The following CRB1 variants were observed in gnomAD, a reference collection of about 807,000 sequenced individuals.
The protein encoded by CRB1 is protein crumbs homolog 1.
Under a neutral mutation model 120.0 loss-of-function variants are expected in CRB1, and 83 were observed. That is an observed-to-expected ratio of 0.69 (90% CI 0.58 to 0.83). The LOEUF is 0.83. Among genes scored for constraint, CRB1 ranks in the 40% least tolerant of loss-of-function variants. The probability of loss-of-function intolerance (pLI) is 0.00; values close to 1 mark genes in which losing one functional copy is unlikely to be tolerated. For missense variants in CRB1, 1,699 were observed against 1,687.6 expected (o/e 1.01, Z -0.12); for synonymous variants, 625 against 612.5 (o/e 1.02, Z -0.30).
At chr1:197,333,620 G>A (rs954955697) in intron 2 of CRB1, among the ~76,000 whole-genome samples, 4 of 152,162 alleles carry the variant, frequency 2.6e-5, no homozygotes, top group African/African-American at 9.7e-5. Flanking sequence ...TGGTATAAAA[G>A]TAATCTTTTG....
intron 5 of CRB1, among the ~76,000 whole-genome samples, chr1:197,411,003 C>G (rs1170880627): frequency 6.6e-6 from 1 of 152,108 alleles, no homozygotes; most frequent in Non-Finnish European, 1.5e-5. Context: ...CAGTTAGAAA[C>G]AAATAAAACA....
At chr1:197,384,924 C>T (rs1056857641) in intron 5 of CRB1, among the ~76,000 whole-genome samples, 8 of 152,146 alleles carry the variant, frequency 5.3e-5, no homozygotes, top group African/African-American at 1.9e-4. Context: ...AAAACTAAAG[C>T]TAATCTCCTT....
intron 5 of CRB1, among the ~76,000 whole-genome samples, chr1:197,374,805 A>T (rs909614207): frequency 6.6e-6 from 1 of 151,754 alleles, no homozygotes; most frequent in East Asian, 1.9e-4. Context: ...ATCTTTCAGT[A>T]CTCCTTGACT....
At chr1:197,462,234 C>G (rs542727445) in intron 11 of CRB1, among the ~76,000 whole-genome samples, 1 of 152,084 alleles carries the variant, frequency 6.6e-6, no homozygotes, top group Non-Finnish European at 1.5e-5. Flanking sequence ...TTATGGATGA[C>G]TGTATTACCA....
At chr1:197,252,933 ATCT>A in the CRB1 span, among the ~76,000 whole-genome samples, 1 of 151,890 alleles carries the variant, frequency 6.6e-6, no homozygotes, top group Non-Finnish European at 1.5e-5. Flanking sequence ...GTGAAGGCAG[ATCT>A]TCTTTACTCA....
chr1:197,226,657 C>T, the CRB1 span, among the ~76,000 whole-genome samples: 1 of 152,028 alleles, frequency 6.6e-6, no homozygotes, highest in Non-Finnish European at 1.5e-5. Flanking sequence ...AAGAGAGAGA[C>T]AAGATTCTCT....
chr1:197,401,233 A>AT (rs922074887), intron 5 of CRB1, among the ~76,000 whole-genome samples: 2 of 151,542 alleles, frequency 1.3e-5, no homozygotes, highest in Non-Finnish European at 2.9e-5. Context: ...TAATTTTTGT[A>AT]TTTTTTGTAT....
At chr1:197,306,873 A>G (rs1252318082) in intron 1 of CRB1, among the ~76,000 whole-genome samples, 1 of 152,042 alleles carries the variant, frequency 6.6e-6, no homozygotes, top group East Asian at 1.9e-4. Context: ...AGCTATTACA[A>G]CTCAATAGAA....
intron 4 of CRB1, among the ~76,000 whole-genome samples, chr1:197,350,650 T>C (rs1660046637): frequency 6.6e-6 from 1 of 152,240 alleles, no homozygotes; most frequent in Non-Finnish European, 1.5e-5. Context: ...AAAACGTATA[T>C]AGTACAATTT....
At chr1:197,342,871 C>CA (rs1404697852) in intron 2 of CRB1, among the ~76,000 whole-genome samples, 5 of 151,960 alleles carry the variant, frequency 3.3e-5, no homozygotes, top group Admixed American at 6.6e-5. Flanking sequence ...GATGGTCTGT[C>CA]AAAAAAATTT....
intron 4 of CRB1, among the ~76,000 whole-genome samples, chr1:197,353,391 A>G (rs1328515795): frequency 2.0e-5 from 3 of 152,194 alleles, no homozygotes; most frequent in African/African-American, 7.2e-5. Context: ...TAAAGTAAAC[A>G]CATACTATGA....
intron 5 of CRB1, among the ~76,000 whole-genome samples, chr1:197,395,259 T>C (rs1339769749): frequency 6.6e-6 from 1 of 152,052 alleles, no homozygotes; most frequent in East Asian, 1.9e-4. Context: ...TTATTGAGAG[T>C]GAGAGTTGAA....
chr1:197,334,199 T>C (rs1326585221), intron 2 of CRB1, among the ~76,000 whole-genome samples: 2 of 152,226 alleles, frequency 1.3e-5, no homozygotes, highest in Non-Finnish European at 2.9e-5. Flanking sequence ...ACCACTGACA[T>C]AGACAGTTAT....
chr1:197,459,746 C>T (rs1666438499), intron 11 of CRB1, among the ~76,000 whole-genome samples: 2 of 152,044 alleles, frequency 1.3e-5, no homozygotes, highest in Admixed American at 1.3e-4. Context: ...AATAAAAACT[C>T]CTGAATTATA....
chr1:197,400,089 C>T (rs1037395468), intron 5 of CRB1, among the ~76,000 whole-genome samples: 12 of 152,228 alleles, frequency 7.9e-5, no homozygotes, highest in Non-Finnish European at 1.3e-4. Flanking sequence ...ACTCTGCCTA[C>T]TACATGTGAG....
intron 1 of CRB1, among the ~76,000 whole-genome samples, chr1:197,324,783 T>G (rs1174384122): frequency 2.0e-5 from 3 of 152,178 alleles, no homozygotes; most frequent in African/African-American, 4.8e-5. Flanking sequence ...TCAGTGAAAA[T>G]GTTTTTTCTT....
Position 197,458,585 on chromosome 1 carries a change from A to G in CRB1, c.4005+16293A>G, listed in dbSNP as rs537551012. Among the ~76,000 whole-genome samples, 3 of 152,160 alleles carry G rather than the reference A, an allele frequency of 2.0e-5. No homozygotes were observed. The East Asian group carries it at 5.8e-4, about 29-fold the overall frequency. On this transcript the variant is annotated intron_variant, in intron 11 of 11. Transcript: ENST00000367400. ...AGGAAATCCAATGTTCTGTCCTTTC[A>G]TAAGTCCCATGGCAATGCAGAGAGC...
At chr1:197,360,486 A>G (rs990927484) in intron 5 of CRB1, 4 of 152,210 alleles carry the variant, frequency 2.6e-5, no homozygotes, top group African/African-American at 7.2e-5. Flanking sequence ...CTATGTGAGT[A>G]AAGCATTGTT....
chr1:197,251,583 T>G, the CRB1 span, among the ~76,000 whole-genome samples: 1 of 152,064 alleles, frequency 6.6e-6, no homozygotes, highest in African/African-American at 2.4e-5. Flanking sequence ...TCTTCTACTT[T>G]TGTCATGGCA....
Sources: gnomAD v4.1 joint callset for allele counts (sites outside exome capture counted in the v4.1 genomes callset) on GRCh38, gnomAD v4.1.1 for gene constraint, MANE v1.5 for transcripts, NCBI Gene and HGNC (gene_info 2026-07-23, HGNC 2026-07-21) for gene names.